XKR6: variants seen among roughly 807,000 people sequenced by gnomAD.
XKR6 encodes the protein XK-related protein 6.
Under a neutral mutation model 56.7 loss-of-function variants are expected in XKR6, and 22 were observed. The observed-to-expected ratio is 0.39, with a 90% CI of 0.28 to 0.55. XKR6 has a LOEUF of 0.55. Among genes scored for constraint, XKR6 ranks in the 20% least tolerant of loss-of-function variants. The pLI is 0.66. For synonymous variants in XKR6, 524 were observed against 387.8 expected (o/e 1.35, Z -4.13); for missense variants, 852 against 889.0 (o/e 0.96, Z 0.53).
intron 1 of XKR6, among the ~76,000 whole-genome samples, chr8:11,032,285 G>A (rs990094551): frequency 5.9e-5 from 9 of 152,136 alleles, no homozygotes; most frequent in Non-Finnish European, 1.0e-4. Context: ...TTTTTCCAGG[G>A]GAAGAAAAAG....
chr8:11,097,535 C>G (rs772874838), intron 1 of XKR6, among the ~76,000 whole-genome samples: 3 of 150,480 alleles, frequency 2.0e-5, no homozygotes, highest in Admixed American at 2.0e-4. Context: ...AGGCTGGGTG[C>G]GGTGTCTCAC....
chr8:11,071,754 A>G (rs1800130148), intron 1 of XKR6, among the ~76,000 whole-genome samples: 1 of 152,200 alleles, frequency 6.6e-6, no homozygotes, highest in African/African-American at 2.4e-5. Context: ...TAGCAAATGA[A>G]TACGAGGCCC....
chr8:11,144,183 C>CTGTATATATTTATTTGA (rs1800857642), intron 1 of XKR6, among the ~76,000 whole-genome samples: 1 of 149,234 alleles, frequency 6.7e-6, no homozygotes, highest in African/African-American at 2.5e-5. Flanking sequence ...TCCATAAACG[C>CTGTATATATTTATTTGA]TGTATATATT....
chr8:11,012,159 C>G (rs984464955), intron 1 of XKR6, among the ~76,000 whole-genome samples: 8 of 152,204 alleles, frequency 5.3e-5, no homozygotes, highest in Admixed American at 4.6e-4. Flanking sequence ...ACTGCAGAAG[C>G]TACCACTCAT....
At chr8:10,912,949 G>C (rs1278347526) in intron 2 of XKR6, among the ~76,000 whole-genome samples, 2 of 150,504 alleles carry the variant, frequency 1.3e-5, no homozygotes, top group Non-Finnish European at 3.0e-5. Context: ...TATCTATAGA[G>C]GGCGAGTACA....
chr8:10,939,565 C>G (rs1179273994), intron 1 of XKR6, among the ~76,000 whole-genome samples: 1 of 152,248 alleles, frequency 6.6e-6, no homozygotes, highest in African/African-American at 2.4e-5. Context: ...CTAGCTCTCA[C>G]CCCTCAAGCG....
intron 1 of XKR6, among the ~76,000 whole-genome samples, chr8:11,141,691 A>G (rs1442365348): frequency 1.3e-5 from 2 of 152,278 alleles, no homozygotes; most frequent in Non-Finnish European, 2.9e-5. Flanking sequence ...TCGTGTGCCC[A>G]GTATCAGGAG....
intron 1 of XKR6, among the ~76,000 whole-genome samples, chr8:11,080,399 A>G (rs1797676871): frequency 6.6e-6 from 1 of 152,254 alleles, no homozygotes. Context: ...AGAGATCAGT[A>G]CATGTCAAAA....
intron 1 of XKR6, among the ~76,000 whole-genome samples, chr8:11,178,604 A>AATAT (rs1293997839): frequency 8.3e-6 from 1 of 120,890 alleles, no homozygotes; most frequent in Non-Finnish European, 1.7e-5. Context: ...CACACACACA[A>AATAT]ATATATATAT....
chr8:10,905,740 T>C (rs548272770), intron 2 of XKR6, among the ~76,000 whole-genome samples: 4 of 152,274 alleles, frequency 2.6e-5, no homozygotes, highest in Non-Finnish European at 4.4e-5. Flanking sequence ...CTATTTTGTA[T>C]TTTTCCCACA....
intron 1 of XKR6, among the ~76,000 whole-genome samples, chr8:11,190,136 A>C (rs1473790033): frequency 1.3e-5 from 2 of 151,836 alleles, no homozygotes; most frequent in African/African-American, 2.4e-5. Context: ...CAGCCTGGGC[A>C]ACAAGAGTGA....
In XKR6 at chr8:11,167,803, C is replaced by T. The variant is rs557400574; in HGVS notation, c.764+32773G>A. ...TTTGTTTATTTGTTTTAGCTCCTGGCATTCAAGGAAATCTCTGTCAAAACA... is the reference window on the plus strand; with the variant it reads ...TTTGTTTATTTGTTTTAGCTCCTGGTATTCAAGGAAATCTCTGTCAAAACA... On this transcript the variant is annotated intron_variant, in intron 1 of 2. Coordinates refer to ENST00000416569, the MANE Select transcript of XKR6 (RefSeq NM_173683.4). Among the ~76,000 whole-genome samples the T allele has an allele frequency of 8.6e-5, 13 of 150,896 alleles. No homozygotes were observed. The South Asian group carries it at 2.7e-3, about 32-fold the overall frequency.
chr8:10,911,927 G>C (rs1459733868), intron 2 of XKR6, among the ~76,000 whole-genome samples: 1 of 149,662 alleles, frequency 6.7e-6, no homozygotes, highest in Non-Finnish European at 1.5e-5. Context: ...GGGAGGGTGA[G>C]ACTGTATACA....
intron 1 of XKR6, among the ~76,000 whole-genome samples, chr8:10,975,889 A>T (rs990147384): frequency 6.6e-6 from 1 of 152,054 alleles, no homozygotes; most frequent in African/African-American, 2.4e-5. Context: ...AGGTATCAAA[A>T]GCGCCCACCA....
chr8:11,110,167 T>A (rs1408917767), intron 1 of XKR6, among the ~76,000 whole-genome samples: 1 of 152,032 alleles, frequency 6.6e-6, no homozygotes, highest in African/African-American at 2.4e-5. Flanking sequence ...GAGATGGGGT[T>A]TTACCATGTT....
chr8:11,140,129 TA>T (rs964503316), intron 1 of XKR6, among the ~76,000 whole-genome samples: 235 of 140,538 alleles, frequency 1.7e-3, no homozygotes, highest in African/African-American at 3.8e-3. Context: ...ATTTTTTAAT[TA>T]AAAAAAAAAA....
intron 1 of XKR6, among the ~76,000 whole-genome samples, chr8:11,053,026 G>C (rs1799594033): frequency 6.6e-6 from 1 of 152,282 alleles, no homozygotes; most frequent in Middle Eastern, 3.4e-3. Flanking sequence ...GTCCAGCCTA[G>C]GTGGGAGGGG....
Position 10,898,150 on chromosome 8 carries a change from A to G in XKR6, c.1728T>C (p.Arg576=), listed in dbSNP as rs1458895619. 3 of 1,614,056 alleles carry G rather than the reference A, an allele frequency of 1.9e-6. No homozygotes were observed. Among genetic ancestry groups the G allele is most frequent in the Non-Finnish European group, 2.5e-6 (3 of 1,179,952 alleles). ...TGAGGGGCCCTTCTGGGAGGTAAGG[A>G]CGCCCCAACGGGGTAGGGGGCCCCA... ...RPMGPPTPLG[R]PYLPEGPLIK... The change falls in exon 3 of 3, where the codon CGT becomes CGC. Residue 576 remains arginine (R), a synonymous_variant. Coordinates refer to ENST00000416569, the MANE Select transcript of XKR6 (RefSeq NM_173683.4). The surrounding 1 kb of genome is among the most constrained non-coding windows in gnomAD (Gnocchi z 6.6).
chr8:10,914,267 T>C (rs1283991264), intron 2 of XKR6, among the ~76,000 whole-genome samples: 1 of 152,180 alleles, frequency 6.6e-6, no homozygotes, highest in African/African-American at 2.4e-5. Context: ...GGAGTCACTC[T>C]GGTGTCCCTT....
Sources: gnomAD v4.1 joint callset for allele counts (sites outside exome capture counted in the v4.1 genomes callset) on GRCh38, gnomAD v4.1.1 for gene constraint, Gnocchi (gnomAD v3.1) non-coding constraint, MANE v1.5 for transcripts, NCBI Gene and HGNC (gene_info 2026-07-23, HGNC 2026-07-21) for gene names.